The following NDRG1 variants were observed in gnomAD, a reference collection of about 807,000 sequenced individuals.
NDRG1 encodes the protein N-myc downstream regulated 1.
In NDRG1, 32 loss-of-function variants were observed where a neutral mutation model predicts 56.9. The ratio of observed to expected loss-of-function variants is 0.56; its 90% confidence interval spans 0.42 to 0.76. The LOEUF (loss-of-function observed/expected upper bound fraction) is 0.76. Among genes scored for constraint, NDRG1 ranks in the 30% least tolerant of loss-of-function variants. The pLI, the probability that NDRG1 is intolerant of heterozygous loss-of-function variation, is 0.00. For synonymous variants in NDRG1, 211 were observed against 204.1 expected, an observed-to-expected ratio of 1.03 and a Z score of -0.29; for missense variants, 507 against 545.7, an observed-to-expected ratio of 0.93 and a Z score of 0.71.
At chr8:133,291,213 A>G (rs965494323) in intron 1 of NDRG1, among the ~76,000 whole-genome samples, 4 of 152,216 alleles carry the variant, frequency 2.6e-5, no homozygotes, top group Non-Finnish European at 4.4e-5. Flanking sequence ...TTAAGGCCAC[A>G]TGAAAGCCAG....
chr8:133,291,971 G>A, intron 1 of NDRG1, among the ~76,000 whole-genome samples: 1 of 152,156 alleles, frequency 6.6e-6, no homozygotes, highest in East Asian at 1.9e-4. Context: ...GAGGTGTCAG[G>A]AATCTCGTCA....
At chr8:133,259,116 T>C (rs2130727178) in intron 6 of NDRG1, 52 bp downstream of exon 6, 1 of 1,585,968 alleles carries the variant, frequency 6.3e-7, no homozygotes, top group Middle Eastern at 1.7e-4. Context: ...AGGAAGATGC[T>C]AGAAACCAGG....
chr8:133,272,236 C>T (rs1368721637), intron 3 of NDRG1, among the ~76,000 whole-genome samples: 1 of 152,212 alleles, frequency 6.6e-6, no homozygotes, highest in African/African-American at 2.4e-5. Context: ...AACTGGAACC[C>T]ACGCTGAAGA....
chr8:133,266,047 G>A (rs1856902918), intron 3 of NDRG1, among the ~76,000 whole-genome samples: 1 of 152,256 alleles, frequency 6.6e-6, no homozygotes, highest in African/African-American at 2.4e-5. Flanking sequence ...TGTCAAGGCA[G>A]TGCTGAACCA....
chr8:133,256,812 A>G lies in NDRG1; in HGVS notation c.502T>C (p.Cys168Arg). The change falls in exon 8 of 16, where the codon TGT becomes CGT. Residue 168 changes from cysteine to arginine, a missense_variant. Physicochemically the swap from Cys to Arg is radical, Grantham distance 180. Coordinates refer to ENST00000323851, the MANE Select transcript of NDRG1 (RefSeq NM_006096.4). ...GCCCAGTCCATCCAGCCTTCCGCAC[A>G]AGGGTTCACGTTGATAAGGACAAGG... ...EGLVLINVNP[C>R]AEGWMDWAAS... is the part of the protein sequence containing the mutation. 6.2e-7 allele frequency: 1 copy of G among 1,614,160 alleles called. No individual in the cohort carries two copies. The highest frequency in any genetic ancestry group is 8.5e-7 in the Non-Finnish European group (1 of 1,180,016).
At chr8:133,246,081 C>T (rs1855661326) in intron 13 of NDRG1, among the ~76,000 whole-genome samples, 1 of 152,266 alleles carries the variant, frequency 6.6e-6, no homozygotes, top group South Asian at 2.1e-4. Context: ...TGAAAGGTTC[C>T]CACTCTTGGG....
chr8:133,296,694 GACACACACACACACAC>G (rs36215434), intron 1 of NDRG1: 7,891 of 270,770 alleles, frequency 0.029, 604 homozygotes, highest in African/African-American at 0.17. Context: ...CCCAGACACA[GACACACACACACACAC>G]ACACACACAC....
intron 3 of NDRG1, among the ~76,000 whole-genome samples, chr8:133,274,683 A>AT (rs1359840358): frequency 2.6e-5 from 4 of 152,156 alleles, no homozygotes; most frequent in Non-Finnish European, 5.9e-5. Flanking sequence ...GCTTGGCTAG[A>AT]TTTTTTGACA....
chr8:133,280,168 A>G, intron 3 of NDRG1, 64 bp downstream of exon 3: 5 of 1,588,826 alleles, frequency 3.1e-6, no homozygotes, highest in East Asian at 2.2e-5. Flanking sequence ...AAACCAATGG[A>G]AAGAAAAAGG....
intron 3 of NDRG1, among the ~76,000 whole-genome samples, chr8:133,277,689 G>T (rs1586476540): frequency 6.6e-6 from 1 of 152,204 alleles, no homozygotes; most frequent in Admixed American, 6.5e-5. Flanking sequence ...TGGTAAATTG[G>T]ATGTTACGTG....
At chr8:133,255,343 T>G (rs1346725098) in intron 8 of NDRG1, 2 of 456,308 alleles carry the variant, frequency 4.4e-6, no homozygotes, top group South Asian at 3.1e-5. Context: ...AGGGAAGGAC[T>G]GCAAGAAGTA....
At chr8:133,246,026 G>C (rs1384069151) in intron 13 of NDRG1, among the ~76,000 whole-genome samples, 1 of 152,210 alleles carries the variant, frequency 6.6e-6, no homozygotes, top group Non-Finnish European at 1.5e-5. Context: ...GGTCCCGCCT[G>C]GTCATCTGCC....
intron 2 of NDRG1, among the ~76,000 whole-genome samples, chr8:133,283,551 G>C (rs927210495): frequency 3.3e-5 from 5 of 152,220 alleles, no homozygotes; most frequent in Admixed American, 6.5e-5. Flanking sequence ...GTTGACAGAA[G>C]AGGTTTGCCC....
intron 7 of NDRG1, 116 bp downstream of exon 7, chr8:133,258,250 T>C: frequency 9.7e-7 from 1 of 1,029,652 alleles, no homozygotes; most frequent in Non-Finnish European, 1.5e-6. Context: ...CACACAACTG[T>C]GGAGAATACG....
chr8:133,269,161 T>G (rs560438069), intron 3 of NDRG1, among the ~76,000 whole-genome samples: 6 of 152,282 alleles, frequency 3.9e-5, no homozygotes, highest in Admixed American at 3.9e-4. Flanking sequence ...CTGTTCGTCC[T>G]CTTGCCTGAG....
intron 14 of NDRG1, among the ~76,000 whole-genome samples, chr8:133,242,963 T>A (rs1293719502): frequency 1.3e-5 from 2 of 152,202 alleles, no homozygotes; most frequent in Non-Finnish European, 2.9e-5. Flanking sequence ...TGAGACCACA[T>A]CCAGTTCTAC....
intron 1 of NDRG1, among the ~76,000 whole-genome samples, chr8:133,285,738 T>C (rs569036868): frequency 1.3e-5 from 2 of 152,322 alleles, no homozygotes; most frequent in African/African-American, 4.8e-5. Flanking sequence ...CCCACAAGAA[T>C]GGCTTTATAC....
At chr8:133,284,513 T>C (rs1482921860) in intron 1 of NDRG1, among the ~76,000 whole-genome samples, 184 bp from the exon 2 acceptor site, 6 of 152,158 alleles carry the variant, frequency 3.9e-5, no homozygotes, top group Non-Finnish European at 8.8e-5. Context: ...CCCAACCCAG[T>C]CTTCCCATTG....
chr8:133,243,006 AGGT>A (rs1379255678), intron 14 of NDRG1, among the ~76,000 whole-genome samples: 2 of 152,172 alleles, frequency 1.3e-5, no homozygotes, highest in African/African-American at 4.8e-5. Flanking sequence ...GTAAACTTGG[AGGT>A]GAATGCTCAA....
Sources: allele counts gnomAD v4.1 joint callset (sites outside exome capture counted in the v4.1 genomes callset), GRCh38; gene constraint gnomAD v4.1.1; transcripts MANE v1.5; gene names NCBI Gene and HGNC (gene_info 2026-07-23, HGNC 2026-07-21).